The following NCOA2 variants were observed in gnomAD, a reference collection of about 807,000 sequenced individuals.
NCOA2 encodes class E basic helix-loop-helix protein 75.
A neutral mutation model predicts 145.1 loss-of-function variants in NCOA2; 21 were observed. The ratio of observed to expected loss-of-function variants is 0.14; its 90% CI spans 0.10 to 0.21. The LOEUF is 0.21. NCOA2 is among the 10% of genes least tolerant of loss of function. The pLI is 1.00. For missense variants in NCOA2, 1,472 were observed against 1,837.6 expected, an observed-to-expected ratio of 0.80 and a Z score of 3.64; for synonymous variants, 619 against 637.5, an observed-to-expected ratio of 0.97 and a Z score of 0.44.
intron 19 of NCOA2, 124 bp downstream of exon 19, chr8:70,126,689 C>A: frequency 1.2e-6 from 1 of 843,466 alleles, no homozygotes; most frequent in Non-Finnish European, 1.9e-6. Context: ...TCCTATCATT[C>A]CCTGGTTAGC....
At chr8:70,280,977 G>A (rs1168441602) in intron 2 of NCOA2, among the ~76,000 whole-genome samples, 1 of 151,764 alleles carries the variant, frequency 6.6e-6, no homozygotes. Context: ...GCAGAGGGCT[G>A]GGAAGATGTG....
chr8:70,334,296 T>C (rs1217821233), intron 1 of NCOA2, among the ~76,000 whole-genome samples: 2 of 152,204 alleles, frequency 1.3e-5, no homozygotes, highest in Non-Finnish European at 2.9e-5. Flanking sequence ...TAACACAGCA[T>C]CTGTTGGCTT....
intron 4 of NCOA2, among the ~76,000 whole-genome samples, chr8:70,196,524 T>G (rs1404180743): frequency 6.6e-6 from 1 of 152,198 alleles, no homozygotes; most frequent in Non-Finnish European, 1.5e-5. Context: ...GACCTAAAGG[T>G]GCTGTTTGCT....
At chr8:70,328,800 T>C (rs1806818705) in intron 1 of NCOA2, among the ~76,000 whole-genome samples, 1 of 151,478 alleles carries the variant, frequency 6.6e-6, no homozygotes, top group African/African-American at 2.4e-5. Context: ...AGAGAAAAAA[T>C]AGGACAATAC....
intron 4 of NCOA2, among the ~76,000 whole-genome samples, chr8:70,212,597 G>GT (rs1350647800): frequency 1.3e-5 from 2 of 152,178 alleles, no homozygotes; most frequent in Admixed American, 1.3e-4. Context: ...TAGCTCAACA[G>GT]TATAGGTATG....
the NCOA2 span, among the ~76,000 whole-genome samples, chr8:70,413,771 A>C: frequency 1.3e-5 from 2 of 152,324 alleles, no homozygotes; most frequent in African/African-American, 4.8e-5. Context: ...TTATTAGTCC[A>C]TTATTTATGA....
At position 70,141,185 on chromosome 8, in the gene NCOA2, T is replaced by C; in HGVS notation, c.3027A>G (p.Ile1009Met). The change falls in exon 14 of 23, where the codon ATA (isoleucine) becomes ATG (methionine). Residue 1009 changes from isoleucine to methionine, a missense_variant and splice_region_variant. Ile to Met is a conservative substitution (Grantham distance 10). Around this residue, in one of 4 missense-constraint regions of NCOA2, gnomAD observed 953 missense variants for 1,062.1 expected, o/e 0.90. Transcript: ENST00000452400. ...CAAACAGCACTAGAGCCACCTTACC[T>C]ATATTCATGACCTGAGACTGAAGCG... ...RQTLQSQVMN[I>M]GPSELEMNMG... 6.2e-7 allele frequency: 1 copy of C among 1,613,308 alleles called. No homozygotes were observed. Among genetic ancestry groups the C allele is most frequent in the South Asian group, 1.1e-5 (1 of 90,864 alleles).
intron 2 of NCOA2, among the ~76,000 whole-genome samples, chr8:70,229,102 C>A (rs890315134): frequency 1.3e-5 from 2 of 152,176 alleles, no homozygotes; most frequent in Non-Finnish European, 2.9e-5. Context: ...TAAAACAGGT[C>A]TCTTTTGGTA....
intron 4 of NCOA2, among the ~76,000 whole-genome samples, chr8:70,204,111 G>T (rs1176570364): frequency 6.6e-6 from 1 of 151,908 alleles, no homozygotes; most frequent in Non-Finnish European, 1.5e-5. Context: ...GGGTTCAAGC[G>T]ATTCTTCTGC....
rs530599218 is a variant in NCOA2 at position 70,335,351 on chromosome 8, GTTTGTCTT to G, written c.-76-38559_-76-38552del. 1.5e-3 allele frequency among the ~76,000 whole-genome samples: 223 copies of G among 152,092 alleles called. 1 individual carries two copies. The highest frequency in any genetic ancestry group is 8.9e-3 in the East Asian group (46 of 5,162). ...TCATCTCAAAAGCAGAACTGAGCTGGTTTGTCTTTTTGTCTTTTTGTCTACTGAAGCAA... is the reference window on the plus strand; with the variant it reads ...TCATCTCAAAAGCAGAACTGAGCTGGTTTGTCTTTTTGTCTACTGAAGCAA... On this transcript the variant is annotated intron_variant, in intron 1 of 22. Coordinates refer to ENST00000452400, the MANE Select transcript of NCOA2 (RefSeq NM_006540.4).
intron 1 of NCOA2, among the ~76,000 whole-genome samples, chr8:70,304,197 C>A (rs1433469120): frequency 6.6e-6 from 1 of 152,158 alleles, no homozygotes; most frequent in Non-Finnish European, 1.5e-5. Context: ...CACTGCATAT[C>A]CCATAGTGGT....
intron 1 of NCOA2, among the ~76,000 whole-genome samples, chr8:70,339,796 A>T (rs1563781302): frequency 6.6e-6 from 1 of 152,114 alleles, no homozygotes; most frequent in East Asian, 1.9e-4. Context: ...CACACCTACA[A>T]CCATCTGATC....
At chr8:70,141,478 C>T (rs929021684) in intron 13 of NCOA2, 79 bp from the exon 14 acceptor site, 9 of 1,262,256 alleles carry the variant, frequency 7.1e-6, no homozygotes, top group Middle Eastern at 2.2e-4. Flanking sequence ...GATGATCTTA[C>T]CCTACAAAAC....
chr8:70,378,490 A>C (rs544483914), intron 1 of NCOA2, among the ~76,000 whole-genome samples: 131 of 149,804 alleles, frequency 8.7e-4, no homozygotes, highest in African/African-American at 3.0e-3. Flanking sequence ...GAAGTATGCA[A>C]AATGCAGGGA....
At chr8:70,324,941 T>C (rs1002875678) in intron 1 of NCOA2, among the ~76,000 whole-genome samples, 1 of 152,228 alleles carries the variant, frequency 6.6e-6, no homozygotes, top group Non-Finnish European at 1.5e-5. Context: ...GAAGAAATAT[T>C]CACCACTATC....
intron 1 of NCOA2, among the ~76,000 whole-genome samples, chr8:70,379,369 G>A (rs755835628): frequency 9.2e-5 from 14 of 152,100 alleles, no homozygotes; most frequent in African/African-American, 2.7e-4. Flanking sequence ...AGCACATGAC[G>A]GGGAGAATCA....
chr8:70,426,288 G>A, the NCOA2 span, among the ~76,000 whole-genome samples: 1 of 152,130 alleles, frequency 6.6e-6, no homozygotes, highest in Admixed American at 6.5e-5. Context: ...CTATTTTTGT[G>A]ACCGATAAAA....
chr8:70,393,389 T>C (rs891650108), intron 1 of NCOA2, among the ~76,000 whole-genome samples: 1 of 152,142 alleles, frequency 6.6e-6, no homozygotes, highest in African/African-American at 2.4e-5. Flanking sequence ...ATATCCTGAA[T>C]TGTACAATTG....
intron 2 of NCOA2, among the ~76,000 whole-genome samples, chr8:70,229,701 G>T (rs1820970640): frequency 6.6e-6 from 1 of 152,158 alleles, no homozygotes; most frequent in Non-Finnish European, 1.5e-5. Context: ...CACGACCCCA[G>T]AACCATGCTT....
Sources: gnomAD v4.1 joint callset for allele counts (sites outside exome capture counted in the v4.1 genomes callset) on GRCh38, gnomAD v4.1.1 for gene constraint, gnomAD v4.1.1 regional missense constraint, MANE v1.5 for transcripts, NCBI Gene and HGNC (gene_info 2026-07-23, HGNC 2026-07-21) for gene names.